The following KIF26B variants were observed in gnomAD, a reference collection of about 807,000 sequenced individuals.
KIF26B encodes the protein kinesin family member 26B.
Under a neutral mutation model 151.2 loss-of-function variants are expected in KIF26B, and 63 were observed. The observed-to-expected ratio is 0.42, with a 90% CI of 0.34 to 0.51. The LOEUF is 0.51. KIF26B is among the 20% of genes least tolerant of loss of function. The pLI is 0.07. For missense variants in KIF26B, 2,813 were observed against 2,913.6 expected, an observed-to-expected ratio of 0.97 and a Z score of 0.79; for synonymous variants, 1,357 against 1,262.1, an observed-to-expected ratio of 1.08 and a Z score of -1.59.
At chr1:245,490,260 G>A (rs1283670321) in intron 4 of KIF26B, among the ~76,000 whole-genome samples, 14 of 151,306 alleles carry the variant, frequency 9.3e-5, no homozygotes, top group Admixed American at 9.2e-4. Context: ...GACTATCCAC[G>A]AGAGACTTCT....
At chr1:245,201,133 A>G (rs1458178640) in intron 2 of KIF26B, among the ~76,000 whole-genome samples, 1 of 152,210 alleles carries the variant, frequency 6.6e-6, no homozygotes, top group Non-Finnish European at 1.5e-5. Context: ...TGAGCCTCAG[A>G]GCTGGCTCTT....
At chr1:245,515,871 G>A (rs953866363) in intron 4 of KIF26B, among the ~76,000 whole-genome samples, 5 of 152,172 alleles carry the variant, frequency 3.3e-5, no homozygotes, top group African/African-American at 7.2e-5. Flanking sequence ...AGGGAGTTCA[G>A]ATCCCTGCCT....
rs142003423 is a variant in KIF26B at position 245,641,417 on chromosome 1, C to G, written c.2099-4704C>G. ...GTTCTGTGTTATTTCTTTGAATAAG[C>G]TTGCAACTTCTTGTCTTTCTCAGTT... On this transcript the variant is annotated intron_variant, in intron 9 of 14. Coordinates refer to ENST00000407071, the MANE Select transcript of KIF26B (RefSeq NM_018012.4). Among the ~76,000 whole-genome samples the G allele has an allele frequency of 3.2e-3, 485 of 152,238 alleles. 5 individuals are homozygous for G. Among genetic ancestry groups the G allele is most frequent in the African/African-American group, 0.01 (427 of 41,558 alleles).
At position 245,167,060 on chromosome 1, in the gene KIF26B, A is replaced by G. The variant is rs1237815584; in HGVS notation, c.465+10377A>G. Among the ~76,000 whole-genome samples, 2 of 152,202 alleles carry G rather than the reference A, an allele frequency of 1.3e-5. No homozygotes were observed. Among genetic ancestry groups the G allele is most frequent in the Non-Finnish European group, 2.9e-5 (2 of 68,038 alleles). On this transcript the variant is annotated intron_variant, in intron 2 of 14. Coordinates refer to ENST00000407071, the MANE Select transcript of KIF26B (RefSeq NM_018012.4). This position sits in a 1 kb window ranked among gnomAD's most constrained non-coding sequence, Gnocchi z 4.2. ...CTATTTTGATTTTCCTTTTCTACTT[A>G]TTGGAGTTTACGTTCAATACTGTTG...
At chr1:245,297,356 G>A (rs948136515) in intron 2 of KIF26B, among the ~76,000 whole-genome samples, 1 of 151,938 alleles carries the variant, frequency 6.6e-6, no homozygotes, top group East Asian at 1.9e-4. Flanking sequence ...AAATAAAAAA[G>A]AGCAATTTTT....
intron 9 of KIF26B, among the ~76,000 whole-genome samples, chr1:245,644,070 C>T (rs557774339): frequency 6.6e-6 from 1 of 151,352 alleles, no homozygotes; most frequent in East Asian, 1.9e-4. Flanking sequence ...TTATTTTTCT[C>T]AAATATTTTA....
intron 4 of KIF26B, among the ~76,000 whole-genome samples, chr1:245,539,675 C>G (rs4658786): frequency 0.016 from 2,414 of 152,218 alleles, 123 homozygotes; most frequent in Admixed American, 0.1. Context: ...TCTTTTGAGA[C>G]GGAGTCTCAC....
rs1246439009 is a variant in KIF26B at position 245,704,853 on chromosome 1, A to G, written c.*2247A>G. The G allele has an allele frequency of 2.2e-5, 3 of 136,650 alleles. No homozygotes were observed. The highest frequency in any genetic ancestry group is 4.7e-5 in the Non-Finnish European group (3 of 64,348). The allele number at this position is 136,650 out of a possible 1,614,324, so 8.5% of individuals were successfully genotyped here. ...TGCTGGTTGCTGGTTTCAAACATAT[A>G]GTTCATGAAAAGTCTTTAATTGGAG... On this transcript the variant is annotated 3_prime_UTR_variant, in exon 15 of 15. Coordinates refer to ENST00000407071, the MANE Select transcript of KIF26B (RefSeq NM_018012.4).
At chr1:245,696,424 G>A (rs1309515301) in intron 12 of KIF26B, among the ~76,000 whole-genome samples, 1 of 152,058 alleles carries the variant, frequency 6.6e-6, no homozygotes, top group East Asian at 1.9e-4. Flanking sequence ...GCTTGCCTGC[G>A]ACTCCGAGAG....
At chr1:245,443,427 CACCCTGCGGTCATCTCCCTCACT>C in intron 4 of KIF26B, among the ~76,000 whole-genome samples, 1 of 93,618 alleles carries the variant, frequency 1.1e-5, no homozygotes, top group African/African-American at 4.9e-5. Context: ...CCTCACTGTT[CACCCTGCGGTCATCTCCCTCACT>C]GTTCACCTAG....
At chr1:245,654,990 T>G (rs1180353683) in intron 10 of KIF26B, among the ~76,000 whole-genome samples, 2 of 152,142 alleles carry the variant, frequency 1.3e-5, no homozygotes, top group Non-Finnish European at 2.9e-5. Flanking sequence ...ACTGGCAGAT[T>G]AAGGTGATCA....
chr1:245,465,434 G>A (rs1572075925), intron 4 of KIF26B, among the ~76,000 whole-genome samples: 1 of 152,134 alleles, frequency 6.6e-6, no homozygotes, highest in African/African-American at 2.4e-5. Context: ...GCTCAGGCAG[G>A]AGCCCCCATG....
At chr1:245,525,124 A>G (rs1661210376) in intron 4 of KIF26B, among the ~76,000 whole-genome samples, 1 of 151,964 alleles carries the variant, frequency 6.6e-6, no homozygotes. Context: ...ATCCACTCTC[A>G]TAACTCCAGC....
chr1:245,643,231 T>C (rs1395100747), intron 9 of KIF26B, among the ~76,000 whole-genome samples: 2 of 152,242 alleles, frequency 1.3e-5, no homozygotes, highest in East Asian at 1.9e-4. Flanking sequence ...ATTGATATGG[T>C]TTGGTTCAAA....
At chr1:245,280,792 C>T (rs931190556) in intron 2 of KIF26B, among the ~76,000 whole-genome samples, 1 of 113,456 alleles carries the variant, frequency 8.8e-6, no homozygotes, top group Non-Finnish European at 1.7e-5. Context: ...GTGTGATATT[C>T]CCCTTCCTGT....
chr1:245,313,723 G>A lies in KIF26B; in HGVS notation c.466-53111G>A, dbSNP rs142783898. ...CGCAGTGTTTAGCAGATATTTCACAGATATAAACTGTGCGGTCTTCCTAAG... is the reference window on the plus strand; with the variant it reads ...CGCAGTGTTTAGCAGATATTTCACAAATATAAACTGTGCGGTCTTCCTAAG... On this transcript the variant is annotated intron_variant, in intron 2 of 14. Coordinates refer to ENST00000407071, the MANE Select transcript of KIF26B (RefSeq NM_018012.4). 4.6e-5 allele frequency among the ~76,000 whole-genome samples: 7 copies of A among 152,344 alleles called. No individual in the cohort carries two copies. The East Asian group carries it at 1.3e-3, about 29-fold the overall frequency.
At chr1:245,312,402 A>C (rs1253662406) in intron 2 of KIF26B, among the ~76,000 whole-genome samples, 1 of 152,250 alleles carries the variant, frequency 6.6e-6, no homozygotes, top group African/African-American at 2.4e-5. Context: ...TTGAGCAACA[A>C]AATGAGATTT....
intron 5 of KIF26B, among the ~76,000 whole-genome samples, chr1:245,547,931 T>G (rs1411835132): frequency 6.6e-6 from 1 of 152,162 alleles, no homozygotes; most frequent in Admixed American, 6.5e-5. Context: ...GCTTTCAGAG[T>G]GCAAGTAGAG....
At chr1:245,174,472 T>A (rs1199447988) in intron 2 of KIF26B, among the ~76,000 whole-genome samples, 1 of 145,590 alleles carries the variant, frequency 6.9e-6, no homozygotes, top group Non-Finnish European at 1.5e-5. Context: ...ACTCTTTTTT[T>A]ACTCCTATTC....
Sources: allele counts gnomAD v4.1 joint callset (sites outside exome capture counted in the v4.1 genomes callset), GRCh38; gene constraint gnomAD v4.1.1; non-coding constraint Gnocchi (gnomAD v3.1); transcripts MANE v1.5; gene names NCBI Gene and HGNC (gene_info 2026-07-23, HGNC 2026-07-21).